Variants in MAD1L1 observed in about 807,000 individuals in gnomAD.
MAD1L1 encodes mitotic spindle assembly checkpoint protein MAD1.
MAD1L1 carries 95 observed loss-of-function variants against 96.9 expected under a neutral mutation model. The observed-to-expected ratio is 0.98, with a 90% CI of 0.83 to 1.16. MAD1L1 has a LOEUF of 1.16. Among genes scored for constraint, MAD1L1 ranks in the 50% most tolerant of loss-of-function variants. MAD1L1 has a pLI of 0.00. For synonymous variants in MAD1L1, 473 were observed against 396.6 expected (o/e 1.19, Z -2.29); for missense variants, 1,007 against 954.4 (o/e 1.06, Z -0.73).
At chr7:2,059,146 A>T (rs533361447) in intron 12 of MAD1L1, among the ~76,000 whole-genome samples, 20 of 100,324 alleles carry the variant, frequency 2.0e-4, no homozygotes, top group African/African-American at 7.2e-4. Context: ...CTGGAGAGGG[A>T]GTGTGGCCAG....
At chr7:1,882,857 C>T (rs1376226171) in intron 18 of MAD1L1, among the ~76,000 whole-genome samples, 2 of 152,222 alleles carry the variant, frequency 1.3e-5, no homozygotes, top group Non-Finnish European at 2.9e-5. Context: ...GGCAGTTTTG[C>T]TCCTTTAGAA....
chr7:2,077,118 T>C (rs1201077956), intron 11 of MAD1L1, among the ~76,000 whole-genome samples: 1 of 148,668 alleles, frequency 6.7e-6, no homozygotes, highest in Admixed American at 6.7e-5. Flanking sequence ...GAGCCCGAGA[T>C]GGTTACGACA....
chr7:2,131,628 C>T (rs973915040), intron 11 of MAD1L1, among the ~76,000 whole-genome samples: 8 of 152,212 alleles, frequency 5.3e-5, no homozygotes, highest in African/African-American at 1.2e-4. Context: ...CTGGAACATT[C>T]GTGCCTGCAC....
At position 2,042,080 on chromosome 7, in the gene MAD1L1, TAC is replaced by T. The variant is rs552762448; in HGVS notation, c.1218+27112_1218+27113del. ...ACACAGATGCACGTACACACATATGTACACACACATCCACACACGCACATGTG... is the reference window on the plus strand; with the variant it reads ...ACACAGATGCACGTACACACATATGTACACACATCCACACACGCACATGTG... On this transcript the variant is annotated intron_variant, in intron 12 of 18. Coordinates refer to ENST00000265854, the MANE Select transcript of MAD1L1 (RefSeq NM_001013836.2). Among the ~76,000 whole-genome samples the T allele has an allele frequency of 1.2e-3, 176 of 149,758 alleles. 1 individual carries two copies. The highest frequency in any genetic ancestry group is 4.2e-3 in the African/African-American group (171 of 40,548).
At chr7:1,910,492 G>A (rs1787946561) in intron 17 of MAD1L1, among the ~76,000 whole-genome samples, 3 of 152,228 alleles carry the variant, frequency 2.0e-5, no homozygotes, top group Non-Finnish European at 4.4e-5. Context: ...ACCCGCCGCG[G>A]AGCCAAAGCT....
intron 11 of MAD1L1, among the ~76,000 whole-genome samples, chr7:2,112,422 G>A (rs1787429129): frequency 6.6e-6 from 1 of 152,224 alleles, no homozygotes; most frequent in Non-Finnish European, 1.5e-5. Context: ...CGGCACCCAC[G>A]GTGCTGAGAA....
chr7:2,036,994 C>T (rs1226842591), intron 12 of MAD1L1, among the ~76,000 whole-genome samples: 2 of 152,048 alleles, frequency 1.3e-5, no homozygotes, highest in Admixed American at 6.5e-5. Context: ...ACAGCACGAG[C>T]TTCCGCGTGC....
chr7:2,075,701 T>C (rs1785342271), intron 11 of MAD1L1, among the ~76,000 whole-genome samples: 2 of 152,142 alleles, frequency 1.3e-5, no homozygotes. Context: ...GTGATCTTCA[T>C]CAGAAACTCC....
intron 11 of MAD1L1, among the ~76,000 whole-genome samples, chr7:2,112,995 G>A (rs796360803): frequency 6.6e-6 from 1 of 152,344 alleles, no homozygotes; most frequent in African/African-American, 2.4e-5. Flanking sequence ...GGTCACGGCC[G>A]TGAAGTAAAA....
intron 10 of MAD1L1, among the ~76,000 whole-genome samples, chr7:2,210,813 C>T (rs1368857524): frequency 2.0e-5 from 3 of 152,236 alleles, no homozygotes; most frequent in Non-Finnish European, 2.9e-5. Context: ...ACCCCCACAG[C>T]GAGGACGGCT....
At chr7:2,098,124 C>T (rs950168289) in intron 11 of MAD1L1, among the ~76,000 whole-genome samples, 2 of 152,310 alleles carry the variant, frequency 1.3e-5, no homozygotes, top group East Asian at 3.9e-4. Flanking sequence ...AGGACGCCCG[C>T]GACTTCAGAC....
intron 11 of MAD1L1, among the ~76,000 whole-genome samples, chr7:2,081,616 C>A (rs1038745053): frequency 6.6e-6 from 1 of 152,258 alleles, no homozygotes; most frequent in East Asian, 1.9e-4. Context: ...ACTCCCTCGA[C>A]CAGCCAGCAG....
At chr7:1,918,419 A>G (rs1788556098) in intron 17 of MAD1L1, among the ~76,000 whole-genome samples, 2 of 152,116 alleles carry the variant, frequency 1.3e-5, no homozygotes, top group Admixed American at 6.5e-5. Context: ...TGTTCCCAAC[A>G]CACAACCGCA....
Position 2,163,146 on chromosome 7 carries a change from C to A in MAD1L1, c.987-13908G>T, listed in dbSNP as rs1489988128. On this transcript the variant is annotated intron_variant, in intron 10 of 18. Transcript: ENST00000265854. ...TAAATGATGTAATTACAATGACGTG[C>A]AACAGGCACAAACCGGCACATTAAG... Among the ~76,000 whole-genome samples the A allele has an allele frequency of 2.0e-5, 3 of 152,272 alleles. No individual in the cohort carries two copies. The East Asian group carries it at 5.8e-4, about 29-fold the overall frequency.
intron 10 of MAD1L1, among the ~76,000 whole-genome samples, chr7:2,171,957 C>A (rs74545244): frequency 0.14 from 20,885 of 152,128 alleles, 2,093 homozygotes; most frequent in Non-Finnish European, 0.19. Flanking sequence ...CTCATCACCA[C>A]GAGGCCTAAG....
At chr7:1,880,721 G>T (rs948915416) in intron 18 of MAD1L1, among the ~76,000 whole-genome samples, 1 of 152,228 alleles carries the variant, frequency 6.6e-6, no homozygotes, top group Non-Finnish European at 1.5e-5. Flanking sequence ...AAAGCACCCG[G>T]CCCCTGAGGG....
chr7:1,871,669 C>T (rs1161616422), intron 18 of MAD1L1, among the ~76,000 whole-genome samples: 15 of 149,094 alleles, frequency 1.0e-4, no homozygotes, highest in Admixed American at 6.0e-4. Context: ...ACCCAACATA[C>T]GCCTGCCACG....
chr7:1,913,849 G>C (rs562577103), intron 17 of MAD1L1, among the ~76,000 whole-genome samples: 1 of 152,148 alleles, frequency 6.6e-6, no homozygotes, highest in East Asian at 1.9e-4. Flanking sequence ...CACCCCTATG[G>C]GAAGAATCCT....
At chr7:2,028,369 G>A (rs1198674720) in intron 12 of MAD1L1, among the ~76,000 whole-genome samples, 1 of 147,334 alleles carries the variant, frequency 6.8e-6, no homozygotes, top group Non-Finnish European at 1.5e-5. Flanking sequence ...AGCTTGCAGT[G>A]AGCCGAGATC....
Sources: gnomAD v4.1 joint callset for allele counts (sites outside exome capture counted in the v4.1 genomes callset) on GRCh38, gnomAD v4.1.1 for gene constraint, MANE v1.5 for transcripts, NCBI Gene and HGNC (gene_info 2026-07-23, HGNC 2026-07-21) for gene names.